WWC1: variants seen among roughly 807,000 people sequenced by gnomAD.
WWC1 encodes WW and C2 domain containing 1, also known as protein KIBRA.
A neutral mutation model predicts 138.4 loss-of-function variants in WWC1; 55 were observed. The observed-to-expected ratio is 0.40, with a 90% CI of 0.32 to 0.50. WWC1 has a LOEUF of 0.50. Ranked by LOEUF, WWC1 falls within the 20% of genes least tolerant of loss-of-function variation. WWC1 has a pLI of 0.72. For synonymous variants in WWC1, 524 were observed against 564.9 expected, an observed-to-expected ratio of 0.93 and a Z score of 1.03; for missense variants, 1,226 against 1,420.4, an observed-to-expected ratio of 0.86 and a Z score of 2.20.
intron 20 of WWC1, among the ~76,000 whole-genome samples, chr5:168,462,377 CT>C (rs1395594110): frequency 6.6e-6 from 1 of 152,202 alleles, no homozygotes; most frequent in African/African-American, 2.4e-5. Flanking sequence ...ACCCCCTCTT[CT>C]GTAGCTGGCT....
intron 1 of WWC1, among the ~76,000 whole-genome samples, chr5:168,293,337 C>A (rs1233786391): frequency 6.6e-6 from 1 of 152,060 alleles, no homozygotes; most frequent in African/African-American, 2.4e-5. Context: ...GGGGTCAGGT[C>A]CCTGTAAAGC....
intron 1 of WWC1, among the ~76,000 whole-genome samples, chr5:168,355,223 G>A (rs1374637045): frequency 6.6e-6 from 1 of 152,132 alleles, no homozygotes; most frequent in African/African-American, 2.4e-5. Flanking sequence ...GCTGGGCGTG[G>A]TGGCTCACGC....
chr5:168,397,669 T>C (rs1028505314), intron 3 of WWC1, 55 bp from the exon 4 acceptor site: 15 of 1,602,248 alleles, frequency 9.4e-6, no homozygotes, highest in Middle Eastern at 3.5e-4. Flanking sequence ...ATAAGCCAAC[T>C]TTGCTGAAAT....
Position 168,380,968 on chromosome 5 carries a change from A to G in WWC1, c.230-4243A>G, listed in dbSNP as rs566074360. On this transcript the variant is annotated intron_variant, in intron 2 of 22. Transcript: ENST00000265293. ...ACTGGGAGAGGGGGTGAGTAGAGGAAATTGCCTGGGAGCGTCCAGGGGATC... is the reference window on the plus strand; with the variant it reads ...ACTGGGAGAGGGGGTGAGTAGAGGAGATTGCCTGGGAGCGTCCAGGGGATC... Among the ~76,000 whole-genome samples, 119 of 152,190 alleles carry G rather than the reference A, an allele frequency of 7.8e-4. No homozygotes were observed. The Middle Eastern group carries it at 0.014, about 17-fold the overall frequency.
intron 1 of WWC1, among the ~76,000 whole-genome samples, chr5:168,332,750 C>T (rs901937282): frequency 2.0e-5 from 3 of 151,880 alleles, no homozygotes; most frequent in Non-Finnish European, 2.9e-5. Context: ...ACTCTGCCGC[C>T]CAGGCTGGAG....
At chr5:168,431,063 G>A (rs1582272926) in intron 14 of WWC1, among the ~76,000 whole-genome samples, 189 bp from the exon 15 acceptor site, 1 of 152,344 alleles carries the variant, frequency 6.6e-6, no homozygotes, top group African/African-American at 2.4e-5. Flanking sequence ...AAGGACAAAT[G>A]CATCTGGAAT....
intron 2 of WWC1, among the ~76,000 whole-genome samples, chr5:168,378,775 A>G (rs2152813708): frequency 6.6e-6 from 1 of 152,380 alleles, no homozygotes; most frequent in East Asian, 1.9e-4. Flanking sequence ...TACATATATC[A>G]TAGGTTTAAA....
chr5:168,329,573 G>C (rs528425945), intron 1 of WWC1, among the ~76,000 whole-genome samples: 1 of 152,266 alleles, frequency 6.6e-6, no homozygotes, highest in East Asian at 1.9e-4. Context: ...TTAGGCGTTT[G>C]GGAGGAAGGG....
intron 1 of WWC1, among the ~76,000 whole-genome samples, chr5:168,316,290 G>A (rs945439179): frequency 6.6e-6 from 1 of 152,224 alleles, no homozygotes; most frequent in African/African-American, 2.4e-5. Context: ...GAGAGCAGGT[G>A]CCTGGGATCG....
chr5:168,380,172 C>T (rs1170572560), intron 2 of WWC1, among the ~76,000 whole-genome samples: 3 of 152,186 alleles, frequency 2.0e-5, no homozygotes, highest in Non-Finnish European at 4.4e-5. Context: ...GCAGCTGGCA[C>T]AGTCGCTCAT....
intron 14 of WWC1, 49 bp from the exon 15 acceptor site, chr5:168,431,203 C>A (rs759673062): frequency 1.3e-6 from 2 of 1,528,672 alleles, no homozygotes; most frequent in East Asian, 4.6e-5. Context: ...ACATTTTAGC[C>A]CCAGACATGG....
chr5:168,457,401 C>T (rs1296566257), intron 19 of WWC1, among the ~76,000 whole-genome samples: 2 of 152,088 alleles, frequency 1.3e-5, no homozygotes, highest in Non-Finnish European at 2.9e-5. Flanking sequence ...ACCAAATTCC[C>T]AACAGAGACA....
chr5:168,464,552 G>A (rs536743026), intron 20 of WWC1, among the ~76,000 whole-genome samples, 177 bp from the exon 21 acceptor site: 6 of 152,318 alleles, frequency 3.9e-5, no homozygotes, highest in East Asian at 3.9e-4. Flanking sequence ...CATAATAAAT[G>A]CCCAATAAAC....
At chr5:168,368,474 G>A (rs1360549428) in intron 1 of WWC1, among the ~76,000 whole-genome samples, 4 of 152,118 alleles carry the variant, frequency 2.6e-5, no homozygotes, top group Non-Finnish European at 5.9e-5. Context: ...GTATCTTCTT[G>A]GTTTTCTGGG....
intron 3 of WWC1, among the ~76,000 whole-genome samples, chr5:168,396,862 A>G (rs75668993): frequency 0.011 from 1,726 of 152,334 alleles, 28 homozygotes; most frequent in East Asian, 0.026. Context: ...GCAACCTAGG[A>G]AAACGATAAT....
rs143197168 is a variant in WWC1 at position 168,414,407 on chromosome 5, T to G, written c.1001T>G (p.Leu334Arg). Residue 334 changes from leucine (L) to arginine (R), a missense_variant, in exon 9 of 23, where the codon CTG becomes CGG. Coordinates refer to ENST00000265293, the MANE Select transcript of WWC1 (RefSeq NM_015238.3). ...KLDSEAWPGV[L>R]DSERDRLILI... ...GACAGTGAGGCCTGGCCTGGGGTGC[T>G]GGACTCAGAGAGGGACCGGCTGATC... 4.0e-5 allele frequency: 65 copies of G among 1,606,442 alleles called. No individual in the cohort carries two copies. In the African/African-American group the frequency reaches 7.5e-4, roughly 19 times the overall value.
At chr5:168,353,089 T>C (rs1775113056) in intron 1 of WWC1, among the ~76,000 whole-genome samples, 1 of 152,190 alleles carries the variant, frequency 6.6e-6, no homozygotes, top group South Asian at 2.1e-4. Context: ...CGGACCTGCA[T>C]ACTCCAAAGC....
At chr5:168,467,794 C>G (rs761067504) in intron 21 of WWC1, 46 bp from the exon 22 acceptor site, 1 of 1,612,654 alleles carries the variant, frequency 6.2e-7, no homozygotes, top group Admixed American at 1.7e-5. Flanking sequence ...TTGCCCCTTT[C>G]TGGAGGCCCC....
chr5:168,443,694 A>C (rs960393088), intron 16 of WWC1, among the ~76,000 whole-genome samples: 1 of 152,192 alleles, frequency 6.6e-6, no homozygotes, highest in Non-Finnish European at 1.5e-5. Flanking sequence ...AGTGCCTGCT[A>C]TATACCAGGC....
Sources: allele counts gnomAD v4.1 joint callset (sites outside exome capture counted in the v4.1 genomes callset), GRCh38; gene constraint gnomAD v4.1.1; transcripts MANE v1.5; gene names NCBI Gene and HGNC (gene_info 2026-07-23, HGNC 2026-07-21).